Variants in ABCA12 observed in about 807,000 individuals in gnomAD.
ABCA12 encodes the protein glucosylceramide transporter ABCA12.
A neutral mutation model predicts 293.5 loss-of-function variants in ABCA12; 156 were observed. The observed-to-expected ratio is 0.53, with a 90% CI of 0.47 to 0.61. The LOEUF is 0.61. Among genes scored for constraint, ABCA12 ranks in the 20% least tolerant of loss-of-function variants. The pLI is 0.00. For synonymous variants in ABCA12, 1,063 were observed against 1,108.0 expected, an observed-to-expected ratio of 0.96 and a Z score of 0.81; for missense variants, 2,797 against 3,090.2, an observed-to-expected ratio of 0.91 and a Z score of 2.25.
intron 5 of ABCA12, among the ~76,000 whole-genome samples, chr2:215,050,082 A>G (rs1701288141): frequency 6.6e-6 from 1 of 152,180 alleles, no homozygotes; most frequent in Non-Finnish European, 1.5e-5. Context: ...CTCTGACCAG[A>G]AAACCTCAAT....
chr2:214,983,020 G>C (rs544758764), intron 29 of ABCA12, among the ~76,000 whole-genome samples: 12 of 152,230 alleles, frequency 7.9e-5, no homozygotes, highest in South Asian at 2.1e-4. Context: ...TGGCCATCTG[G>C]GGGGGTAGGT....
chr2:214,939,998 A>G (rs994123232), intron 50 of ABCA12, among the ~76,000 whole-genome samples: 14 of 152,242 alleles, frequency 9.2e-5, no homozygotes, highest in African/African-American at 3.1e-4. Context: ...TTCCAATACT[A>G]TGTTGAATAG....
chr2:215,003,214 T>C (rs1407538166), intron 20 of ABCA12, among the ~76,000 whole-genome samples: 1 of 152,206 alleles, frequency 6.6e-6, no homozygotes, highest in African/African-American at 2.4e-5. Context: ...CCGTTTCTCA[T>C]ACCCATGGTT....
chr2:215,014,510 T>C (rs764869446), intron 15 of ABCA12, among the ~76,000 whole-genome samples: 1 of 152,148 alleles, frequency 6.6e-6, no homozygotes, highest in African/African-American at 2.4e-5. Context: ...CTTGTAAAAT[T>C]TGGGGGTTTA....
rs772901255 is a variant in ABCA12, at chr2:215,019,455, C to T, written c.1545-7G>A. ...CAGTGCCTGTTCTAGAAACCTGGAA[C>T]AAAACAGAAAAGAAGAAATTCAACT... On this transcript the variant is annotated splice_polypyrimidine_tract_variant and splice_region_variant and intron_variant, in intron 12 of 52. Transcript: ENST00000272895. 2.5e-5 allele frequency: 40 copies of T among 1,613,400 alleles called. No individual in the cohort carries two copies. The highest frequency in any genetic ancestry group is 3.2e-5 in the Non-Finnish European group (38 of 1,179,600).
chr2:214,973,279 C>A (rs1205897397), intron 36 of ABCA12, among the ~76,000 whole-genome samples: 1 of 152,184 alleles, frequency 6.6e-6, no homozygotes, highest in Non-Finnish European at 1.5e-5. Context: ...CTTCAGTGTA[C>A]AACCATATGT....
At chr2:214,949,441 A>C (rs1221132630) in intron 45 of ABCA12, among the ~76,000 whole-genome samples, 1 of 151,330 alleles carries the variant, frequency 6.6e-6, no homozygotes, top group Non-Finnish European at 1.5e-5. Flanking sequence ...TCATCCCTCT[A>C]TGTGACATGA....
At chr2:214,976,212 G>C (rs896057523) in intron 33 of ABCA12, among the ~76,000 whole-genome samples, 175 bp from the exon 34 acceptor site, 1 of 152,166 alleles carries the variant, frequency 6.6e-6, no homozygotes, top group Non-Finnish European at 1.5e-5. Flanking sequence ...CTTCCATTGG[G>C]AAAACTGAGA....
intron 7 of ABCA12, among the ~76,000 whole-genome samples, chr2:215,042,624 T>C (rs1019891740): frequency 6.6e-6 from 1 of 152,194 alleles, no homozygotes; most frequent in African/African-American, 2.4e-5. Context: ...ATTTGGTACA[T>C]GTATACAATG....
rs1698657471 is a variant in ABCA12 at position 214,948,667 on chromosome 2, G to A, written c.7033C>T (p.Leu2345=). 25 of 1,613,930 alleles carry A rather than the reference G, an allele frequency of 1.5e-5. No homozygotes were observed. The highest frequency in any genetic ancestry group is 2.1e-5 in the Non-Finnish European group (25 of 1,179,954). The part of the protein sequence containing the change: ...YCPQEDALDD[L]VTVEEHLYFY... Reference sequence around the variant, plus strand: ...TACAAATGTTCTTCCACAGTTACCAGGTCATCTAAGGCATCTTCCTGAGGA... The same window carrying A: ...TACAAATGTTCTTCCACAGTTACCAAGTCATCTAAGGCATCTTCCTGAGGA... Residue 2345 remains leucine, a synonymous_variant, in exon 47 of 53, where the codon CTG becomes TTG. Coordinates refer to ENST00000272895, the MANE Select transcript of ABCA12 (RefSeq NM_173076.3).
intron 29 of ABCA12, 77 bp from the exon 30 acceptor site, chr2:214,982,460 T>A: frequency 2.6e-6 from 3 of 1,157,312 alleles, no homozygotes; most frequent in Non-Finnish European, 3.9e-6. Flanking sequence ...TAACCCTAAT[T>A]GATATGTATT....
intron 2 of ABCA12, among the ~76,000 whole-genome samples, chr2:215,071,166 C>T (rs554150803): frequency 6.6e-6 from 1 of 150,650 alleles, no homozygotes; most frequent in South Asian, 2.1e-4. Flanking sequence ...CACAACACTC[C>T]AGCCTGGGCA....
intron 2 of ABCA12, among the ~76,000 whole-genome samples, chr2:215,070,442 C>A (rs1386346317): frequency 6.6e-6 from 1 of 151,688 alleles, no homozygotes; most frequent in Non-Finnish European, 1.5e-5. Flanking sequence ...CAGTTAGTTA[C>A]ATATGTATAC....
In ABCA12 at chr2:215,019,369, C is replaced by A. The variant is rs2106013030; in HGVS notation, c.1624G>T (p.Val542Phe). Reference protein sequence around the residue: ...LIPIIEAMLHVNNSADASEKP... With the variant: ...LIPIIEAMLHFNNSADASEKP... The stretch of plus-strand genomic sequence containing the variant: ...TCAGAAGCATCTGCACTGTTATTGA[C>A]ATGCAGCATGGCTTCTATGATCGGT... Residue 542 changes from valine to phenylalanine, a missense_variant, in exon 13 of 53, where the codon GTC (valine) becomes TTC (phenylalanine). By Grantham distance (50) the Val-to-Phe change is conservative. This residue lies in a region of ABCA12 where 656 missense variants were observed against 638.2 expected (regional missense o/e 1.03). Coordinates refer to ENST00000272895, the MANE Select transcript of ABCA12 (RefSeq NM_173076.3). 6.2e-7 allele frequency: 1 copy of A among 1,612,730 alleles called. No homozygotes were observed. Among genetic ancestry groups the A allele is most frequent in the Non-Finnish European group, 8.5e-7 (1 of 1,179,932 alleles).
At chr2:214,967,552 T>G (rs1184489530) in intron 38 of ABCA12, among the ~76,000 whole-genome samples, 8 of 152,142 alleles carry the variant, frequency 5.3e-5, no homozygotes, top group Admixed American at 5.2e-4. Context: ...GCAAAGTTGA[T>G]TTTGAGAGAA....
intron 6 of ABCA12, among the ~76,000 whole-genome samples, chr2:215,047,571 G>T (rs758049609): frequency 6.6e-6 from 1 of 152,118 alleles, no homozygotes. Context: ...GGGATAACCA[G>T]CTAGCCATAT....
intron 1 of ABCA12, among the ~76,000 whole-genome samples, chr2:215,136,843 A>G (rs1356396925): frequency 6.6e-6 from 1 of 152,070 alleles, no homozygotes; most frequent in African/African-American, 2.4e-5. Context: ...CTAACTCATC[A>G]TGCCACATCA....
At position 215,049,854 on chromosome 2, in the gene ABCA12, A is replaced by T; in HGVS notation, c.508-43T>A. The T allele has an allele frequency of 1.9e-6, 3 of 1,539,590 alleles. No individual in the cohort carries two copies. In the South Asian group the frequency reaches 3.4e-5, roughly 18 times the overall value. ...AAGAGTAAAATAAGAGTGTTAATAA[A>T]TGTAGATGTTCAAATATTCTATTCT... On this transcript the variant is annotated intron_variant, in intron 5 of 52. Transcript: ENST00000272895.
At chr2:215,110,738 CTCTT>C (rs1386004610) in intron 2 of ABCA12, among the ~76,000 whole-genome samples, 1 of 152,164 alleles carries the variant, frequency 6.6e-6, no homozygotes, top group African/African-American at 2.4e-5. Flanking sequence ...GCTTTTTACT[CTCTT>C]TACAAAATAA....
Sources: gnomAD v4.1 joint callset for allele counts (sites outside exome capture counted in the v4.1 genomes callset) on GRCh38, gnomAD v4.1.1 for gene constraint, gnomAD v4.1.1 regional missense constraint, MANE v1.5 for transcripts, NCBI Gene and HGNC (gene_info 2026-07-23, HGNC 2026-07-21) for gene names.